The following SLC29A3 variants were observed in gnomAD, a reference collection of about 807,000 sequenced individuals.
SLC29A3 encodes the protein solute carrier family 29 member 3.
SLC29A3 carries 18 observed loss-of-function variants against 25.4 expected under a neutral mutation model. That is an observed-to-expected ratio of 0.71 (90% CI 0.49 to 1.05). The LOEUF is 1.05. Among genes scored for constraint, SLC29A3 ranks in the 50% least tolerant of loss-of-function variants. The probability of loss-of-function intolerance (pLI) is 0.00; values close to 1 mark genes in which losing one functional copy is unlikely to be tolerated. For missense variants in SLC29A3, 586 were observed against 609.0 expected (o/e 0.96, Z 0.40); for synonymous variants, 258 against 267.1 (o/e 0.97, Z 0.33).
At chr10:71,333,995 G>A (rs149194694) in intron 2 of SLC29A3, among the ~76,000 whole-genome samples, 214 of 152,336 alleles carry the variant, frequency 1.4e-3, no homozygotes, top group Non-Finnish European at 2.2e-3. Context: ...AGGCTTGGCC[G>A]AGGCAGGGTA....
At chr10:71,327,070 G>T (rs997339999) in intron 2 of SLC29A3, among the ~76,000 whole-genome samples, 1 of 152,158 alleles carries the variant, frequency 6.6e-6, no homozygotes, top group African/African-American at 2.4e-5. Flanking sequence ...AGTCAAATTG[G>T]CCTGTCTCTA....
chr10:71,348,119 G>A lies in SLC29A3; in HGVS notation c.384-3443G>A, dbSNP rs140452066. Among the ~76,000 whole-genome samples the A allele has an allele frequency of 9.2e-5, 14 of 152,318 alleles. No homozygotes were observed. In the East Asian group the frequency reaches 2.1e-3, roughly 23 times the overall value. ...ACCAGCATGAAACCTCCCCACCCCC[G>A]GGTGCTACTGATCTCCCTTGCTTGT... On this transcript the variant is annotated intron_variant, in intron 3 of 5. Transcript: ENST00000373189.
chr10:71,324,392 T>C (rs1845920095), intron 2 of SLC29A3, among the ~76,000 whole-genome samples: 2 of 152,186 alleles, frequency 1.3e-5, no homozygotes, highest in Admixed American at 6.5e-5. Flanking sequence ...CGACTGAGTA[T>C]GCTTGGGTTT....
intron 2 of SLC29A3, among the ~76,000 whole-genome samples, chr10:71,335,882 G>A (rs1846237806): frequency 6.6e-6 from 1 of 152,078 alleles, no homozygotes; most frequent in South Asian, 2.1e-4. Context: ...AAGGAGGGCA[G>A]GAAACGAAGG....
chr10:71,358,634 C>T (rs976540181), intron 5 of SLC29A3, among the ~76,000 whole-genome samples: 8 of 152,232 alleles, frequency 5.3e-5, no homozygotes, highest in African/African-American at 1.4e-4. Flanking sequence ...ACAGGAGGGT[C>T]GCCCCACTCC....
downstream of SLC29A3, among the ~76,000 whole-genome samples, chr10:71,367,579 C>G (rs190817158): frequency 1.1e-4 from 16 of 152,296 alleles, no homozygotes; most frequent in African/African-American, 3.4e-4. Context: ...AGTGCACACC[C>G]CCTACTGCCA....
Position 71,362,900 on chromosome 10 carries a change from A to T in SLC29A3, c.*292A>T, listed in dbSNP as rs952177263. 1 of 597,414 alleles carries T rather than the reference A, an allele frequency of 1.7e-6. No individual in the cohort carries two copies. The highest frequency in any genetic ancestry group is 3.1e-6 in the Non-Finnish European group (1 of 319,724). 37.0% of individuals were successfully genotyped at this position (597,414 alleles called of 1,614,324 possible). A position where few individuals can be genotyped will look rare whatever the true frequency, so the allele number is the denominator to read the frequency against. On this transcript the variant is annotated 3_prime_UTR_variant, in exon 6 of 6. Transcript: ENST00000373189. Reference sequence around the variant, plus strand: ...ATGGTTAACATTCCACCTTCTTTCTAGCCCTTCAAAGATGCTGCCAGTGTT... The same window carrying T: ...ATGGTTAACATTCCACCTTCTTTCTTGCCCTTCAAAGATGCTGCCAGTGTT...
In SLC29A3 at chr10:71,363,352, G is replaced by T. The variant is rs147202397; in HGVS notation, c.*744G>T. 6 of 454,010 alleles carry T rather than the reference G, an allele frequency of 1.3e-5. No individual in the cohort carries two copies. The highest frequency in any genetic ancestry group is 8.0e-5 in the African/African-American group (4 of 50,014). 28.1% of individuals were successfully genotyped at this position (454,010 alleles called of 1,614,324 possible). On this transcript the variant is annotated 3_prime_UTR_variant, in exon 6 of 6. Coordinates refer to ENST00000373189, the MANE Select transcript of SLC29A3 (RefSeq NM_018344.6). ...CTGTTTACAACATGTCAAAGCCATTGGTTCAAGGGCGTAATAAATACTTGC... is the reference window on the plus strand; with the variant it reads ...CTGTTTACAACATGTCAAAGCCATTTGTTCAAGGGCGTAATAAATACTTGC...
At chr10:71,379,893 C>G (rs972140951) in exon 5 of SLC29A3, 8 of 152,190 alleles carry the variant, frequency 5.3e-5, no homozygotes, top group African/African-American at 1.9e-4. Context: ...GCTCCCAGTG[C>G]CTAAGGTCCT....
intron 1 of SLC29A3, among the ~76,000 whole-genome samples, chr10:71,320,898 C>T (rs1694588817): frequency 6.6e-6 from 1 of 152,210 alleles, no homozygotes; most frequent in Non-Finnish European, 1.5e-5. Flanking sequence ...TTCCCATTCC[C>T]AGCCAGTCCT....
chr10:71,378,365 G>A (rs1187839314), intron 4 of SLC29A3, among the ~76,000 whole-genome samples: 3 of 152,148 alleles, frequency 2.0e-5, no homozygotes, highest in Non-Finnish European at 4.4e-5. Context: ...CAAAGGACCT[G>A]AGACCCTAGC....
At chr10:71,321,113 T>A (rs1169555827) in intron 1 of SLC29A3, among the ~76,000 whole-genome samples, 1 of 152,208 alleles carries the variant, frequency 6.6e-6, no homozygotes, top group Non-Finnish European at 1.5e-5. Flanking sequence ...GCACAGACCT[T>A]GGCATTTGTG....
intron 2 of SLC29A3, among the ~76,000 whole-genome samples, chr10:71,328,947 G>T (rs1244895375): frequency 6.6e-6 from 1 of 152,176 alleles, no homozygotes; most frequent in Non-Finnish European, 1.5e-5. Context: ...GCCCTTGAAG[G>T]GCTGACCTCC....
In SLC29A3 at chr10:71,342,101, C is replaced by T. The variant is rs142129512; in HGVS notation, c.301-2108C>T. Among the ~76,000 whole-genome samples the T allele has an allele frequency of 3.9e-5, 6 of 152,274 alleles. No homozygotes were observed. The East Asian group carries it at 9.7e-4, about 25-fold the overall frequency. On this transcript the variant is annotated intron_variant, in intron 2 of 5. Coordinates refer to ENST00000373189, the MANE Select transcript of SLC29A3 (RefSeq NM_018344.6). ...CTCATCCACACTCAGGGGAGGGCAT[C>T]GCACAGGTGTGAGCATCAGGAGGCA...
intron 3 of SLC29A3, among the ~76,000 whole-genome samples, chr10:71,346,644 G>A (rs555963502): frequency 1.3e-5 from 2 of 152,308 alleles, no homozygotes; most frequent in South Asian, 4.1e-4. Flanking sequence ...GTTCAAGTCT[G>A]CAGTGAGCTA....
At chr10:71,336,351 T>A (rs1431099649) in intron 2 of SLC29A3, among the ~76,000 whole-genome samples, 1 of 152,088 alleles carries the variant, frequency 6.6e-6, no homozygotes, top group East Asian at 1.9e-4. Context: ...TTCAGCCCCC[T>A]CTAGACGGGG....
At chr10:71,341,842 T>C (rs143901189) in intron 2 of SLC29A3, among the ~76,000 whole-genome samples, 1 of 152,328 alleles carries the variant, frequency 6.6e-6, no homozygotes, top group East Asian at 1.9e-4. Flanking sequence ...CTCCAGTTGT[T>C]GGCAGAATTC....
chr10:71,348,394 T>G (rs755983282), intron 3 of SLC29A3, among the ~76,000 whole-genome samples: 37 of 152,230 alleles, frequency 2.4e-4, no homozygotes, highest in Admixed American at 5.9e-4. Context: ...TCTAGCTGCT[T>G]CTTTTTAGAG....
chr10:71,344,695 G>A (rs1293467341), intron 3 of SLC29A3, among the ~76,000 whole-genome samples: 3 of 152,206 alleles, frequency 2.0e-5, no homozygotes, highest in African/African-American at 7.2e-5. Context: ...GGCTCACGGG[G>A]GAAGTTCCAA....
Sources: allele counts gnomAD v4.1 joint callset (sites outside exome capture counted in the v4.1 genomes callset), GRCh38; gene constraint gnomAD v4.1.1; transcripts MANE v1.5; gene names NCBI Gene and HGNC (gene_info 2026-07-23, HGNC 2026-07-21).